The following TTC7A variants were observed in gnomAD, a reference collection of about 807,000 sequenced individuals.
The protein encoded by TTC7A is tetratricopeptide repeat protein 7A.
TTC7A carries 110 observed loss-of-function variants against 103.7 expected under a neutral mutation model. The ratio of observed to expected loss-of-function variants is 1.06; its 90% CI spans 0.91 to 1.24. The LOEUF is 1.24. Ranked by LOEUF, TTC7A falls within the 50% of genes most tolerant of loss-of-function variation. The pLI is 0.00. For synonymous variants in TTC7A, 521 were observed against 467.9 expected (o/e 1.11, Z -1.47); for missense variants, 1,340 against 1,116.3 (o/e 1.20, Z -2.86).
intron 15 of TTC7A, among the ~76,000 whole-genome samples, chr2:47,042,566 G>C (rs1681868748): frequency 6.6e-6 from 1 of 152,146 alleles, no homozygotes; most frequent in South Asian, 2.1e-4. Context: ...TGTGTCTGCA[G>C]TTTCTCGGAA....
At chr2:46,995,832 G>C (rs568248578) in intron 8 of TTC7A, among the ~76,000 whole-genome samples, 1 of 152,204 alleles carries the variant, frequency 6.6e-6, no homozygotes, top group Admixed American at 6.5e-5. Flanking sequence ...CCTTTCCCTC[G>C]TGGAGCTTAC....
chr2:47,016,441 C>T (rs1678668521), intron 11 of TTC7A, among the ~76,000 whole-genome samples: 1 of 152,228 alleles, frequency 6.6e-6, no homozygotes, highest in Non-Finnish European at 1.5e-5. Flanking sequence ...CCAATGCCAT[C>T]AGGTAGCTGT....
Position 47,011,399 on chromosome 2 carries a change from G to C in TTC7A, c.1356G>C (p.Leu452=). 6.2e-7 allele frequency: 1 copy of C among 1,610,944 alleles called. No homozygotes were observed. The change falls in exon 11 of 20, where the codon CTG becomes CTC. Residue 452 remains leucine, a synonymous_variant. Coordinates refer to ENST00000319190, the MANE Select transcript of TTC7A (RefSeq NM_020458.4). Reference sequence around the variant, plus strand: ...GGCCCTCGGACCCCACCGTGCCCCTGATGGCCGCGAAGGTCTGCATCGGGT... The same window carrying C: ...GGCCCTCGGACCCCACCGTGCCCCTCATGGCCGCGAAGGTCTGCATCGGGT... ...KLRPSDPTVP[L]MAAKVCIGSL...
chr2:46,947,116 A>G (rs1360116899), intron 1 of TTC7A, among the ~76,000 whole-genome samples: 1 of 152,132 alleles, frequency 6.6e-6, no homozygotes, highest in Non-Finnish European at 1.5e-5. Context: ...AGTTGTTAAG[A>G]CTGTTGTTTA....
At chr2:46,946,657 A>G (rs1053031626) in intron 1 of TTC7A, among the ~76,000 whole-genome samples, 8 of 152,112 alleles carry the variant, frequency 5.3e-5, no homozygotes, top group African/African-American at 1.9e-4. Flanking sequence ...CCTGGTCTCA[A>G]TCAGTCCTAC....
intron 11 of TTC7A, among the ~76,000 whole-genome samples, chr2:47,015,546 G>C (rs1210568162): frequency 3.3e-5 from 5 of 152,188 alleles, no homozygotes; most frequent in South Asian, 2.1e-4. Flanking sequence ...CTTTGAGGGA[G>C]TAATTTACCC....
intron 19 of TTC7A, among the ~76,000 whole-genome samples, chr2:47,068,864 A>C (rs867419330): frequency 0.11 from 3,669 of 34,634 alleles, 27 homozygotes; most frequent in Admixed American, 0.23. Flanking sequence ...AATTTTTTCA[A>C]AAAAAAAAAA....
At position 47,006,064 on chromosome 2, in the gene TTC7A, G is replaced by GGA; in HGVS notation, c.1203+6_1203+7insAG. On this transcript the variant is annotated splice_donor_region_variant and intron_variant, in intron 9 of 19. Coordinates refer to ENST00000319190, the MANE Select transcript of TTC7A (RefSeq NM_020458.4). ...CAGTACGTCATGCTCTCGGAGGTACGGCCGGCCATGCAGCCCACCCCACTC... is the reference window on the plus strand; with the variant it reads ...CAGTACGTCATGCTCTCGGAGGTACGGAGCCGGCCATGCAGCCCACCCCACTC... 6.2e-7 allele frequency: 1 copy of GGA among 1,611,826 alleles called. No homozygotes were observed. The highest frequency in any genetic ancestry group is 8.5e-7 in the Non-Finnish European group (1 of 1,179,094).
intron 15 of TTC7A, among the ~76,000 whole-genome samples, chr2:47,044,646 T>G (rs1449519878): frequency 2.0e-5 from 3 of 152,092 alleles, no homozygotes; most frequent in Non-Finnish European, 4.4e-5. Context: ...AAGCCAGGCT[T>G]GGGATGGATG....
chr2:46,989,006 C>A (rs776673344), intron 5 of TTC7A, among the ~76,000 whole-genome samples: 1 of 152,280 alleles, frequency 6.6e-6, no homozygotes, highest in South Asian at 2.1e-4. Context: ...GATAATGAAG[C>A]CTGTCTCCCT....
chr2:47,001,488 G>A (rs1204987465), intron 8 of TTC7A, among the ~76,000 whole-genome samples: 4 of 152,110 alleles, frequency 2.6e-5, no homozygotes, highest in Non-Finnish European at 4.4e-5. Flanking sequence ...GGTGGGGGGT[G>A]GTCAGTGGTT....
chr2:47,055,276 G>A (rs757972043), intron 18 of TTC7A, among the ~76,000 whole-genome samples: 1 of 152,218 alleles, frequency 6.6e-6, no homozygotes, highest in Non-Finnish European at 1.5e-5. Context: ...ATCCCAATCT[G>A]TATGGCAGTA....
At chr2:47,042,702 G>GTGTATATATA (rs111460716) in intron 15 of TTC7A, among the ~76,000 whole-genome samples, 41 of 142,708 alleles carry the variant, frequency 2.9e-4, no homozygotes, top group South Asian at 6.7e-4. Context: ...GTGTGTGTGT[G>GTGTATATATA]TATATATATG....
intron 4 of TTC7A, among the ~76,000 whole-genome samples, chr2:46,975,532 T>C (rs12712984): frequency 0.74 from 111,593 of 151,218 alleles, 41,314 homozygotes; most frequent in Middle Eastern, 0.79. Context: ...GGTAAAAGAG[T>C]TGGTCGGCAG....
At chr2:46,987,591 T>C (rs1000244167) in intron 5 of TTC7A, among the ~76,000 whole-genome samples, 1 of 152,198 alleles carries the variant, frequency 6.6e-6, no homozygotes, top group East Asian at 1.9e-4. Flanking sequence ...CACCTATTCT[T>C]TGCTCTGGGT....
At chr2:47,044,649 G>A (rs1170002652) in intron 15 of TTC7A, among the ~76,000 whole-genome samples, 1 of 152,242 alleles carries the variant, frequency 6.6e-6, no homozygotes, top group African/African-American at 2.4e-5. Flanking sequence ...CCAGGCTTGG[G>A]ATGGATGAAA....
intron 16 of TTC7A, chr2:47,046,856 A>C (rs1682377647): frequency 4.3e-6 from 1 of 234,854 alleles, no homozygotes; most frequent in Non-Finnish European, 8.3e-6. Flanking sequence ...CTGGGACTTG[A>C]ACTTGGGTCT....
At chr2:46,935,240 A>G (rs769895325) in intron 2 of TTC7A, among the ~76,000 whole-genome samples, 78 of 151,878 alleles carry the variant, frequency 5.1e-4, no homozygotes, top group Non-Finnish European at 4.4e-4. Flanking sequence ...GCTCATTACA[A>G]ATGTGAGCCA....
intron 18 of TTC7A, among the ~76,000 whole-genome samples, chr2:47,052,204 G>T (rs1467705291): frequency 2.0e-5 from 3 of 152,218 alleles, no homozygotes; most frequent in African/African-American, 7.2e-5. Context: ...AGGTGTGGAG[G>T]CCCCAAGAAA....
Sources: allele counts gnomAD v4.1 joint callset (sites outside exome capture counted in the v4.1 genomes callset), GRCh38; gene constraint gnomAD v4.1.1; transcripts MANE v1.5; gene names NCBI Gene and HGNC (gene_info 2026-07-23, HGNC 2026-07-21).